DERA: variants seen among roughly 807,000 people sequenced by gnomAD.
DERA encodes the protein 2-deoxy-D-ribose 5-phosphate aldolase.
Under a neutral mutation model 41.1 loss-of-function variants are expected in DERA, and 15 were observed. The ratio of observed to expected loss-of-function variants is 0.37; its 90% CI spans 0.24 to 0.56. The LOEUF is 0.56. DERA is among the 20% of genes least tolerant of loss of function. The probability of loss-of-function intolerance (pLI) is 0.81; values close to 1 mark genes in which losing one functional copy is unlikely to be tolerated. For missense variants in DERA, 396 were observed against 403.4 expected (o/e 0.98, Z 0.16); for synonymous variants, 139 against 137.4 (o/e 1.01, Z -0.08).
At position 15,918,747 on chromosome 12, in the gene DERA, G is replaced by A. The variant is rs1430830667; in HGVS notation, c.31+7333G>A. On this transcript the variant is annotated intron_variant, in intron 1 of 8. Coordinates refer to ENST00000428559, the MANE Select transcript of DERA (RefSeq NM_015954.4). This position sits in a 1 kb window ranked among gnomAD's most constrained non-coding sequence, Gnocchi z 4.3. ...GATGTTTATGTAAATCACCACATAC[G>A]GCATGTTAAAACTGACAACAGGAAC... Among the ~76,000 whole-genome samples the A allele has an allele frequency of 4.6e-5, 7 of 152,046 alleles. No homozygotes were observed. Among genetic ancestry groups the A allele is most frequent in the Non-Finnish European group, 2.9e-5 (2 of 68,034 alleles).
At chr12:15,932,548 G>A (rs1351893736) in intron 1 of DERA, among the ~76,000 whole-genome samples, 1 of 151,988 alleles carries the variant, frequency 6.6e-6, no homozygotes, top group East Asian at 1.9e-4. Context: ...TACTTGAGGT[G>A]GGAGGATTGC....
chr12:15,930,367 A>G (rs748744136), intron 1 of DERA, among the ~76,000 whole-genome samples: 1 of 152,206 alleles, frequency 6.6e-6, no homozygotes, highest in Non-Finnish European at 1.5e-5. Context: ...AATGTGATTA[A>G]AGGGTAGTTA....
intron 6 of DERA, 68 bp from the exon 7 acceptor site, chr12:16,032,474 C>A: frequency 2.3e-6 from 2 of 874,444 alleles, no homozygotes; most frequent in Non-Finnish European, 3.4e-6. Flanking sequence ...ACTCATTTCT[C>A]CCACTGACTC....
chr12:16,029,209 C>T (rs1447936857), intron 6 of DERA, among the ~76,000 whole-genome samples: 3 of 152,016 alleles, frequency 2.0e-5, no homozygotes, highest in Non-Finnish European at 4.4e-5. Flanking sequence ...CTGAGGTGGG[C>T]GGATCACGAG....
chr12:15,945,142 A>G (rs1948437471), intron 1 of DERA, among the ~76,000 whole-genome samples: 1 of 152,072 alleles, frequency 6.6e-6, no homozygotes, highest in Non-Finnish European at 1.5e-5. Context: ...GCCTTGTAGT[A>G]TAGTTTGAAG....
Position 16,001,473 on chromosome 12 carries a change from C to T in DERA, c.637+19037C>T, listed in dbSNP as rs565603945. Among the ~76,000 whole-genome samples, 20 of 152,216 alleles carry T rather than the reference C, an allele frequency of 1.3e-4. No individual in the cohort carries two copies. Among genetic ancestry groups the T allele is most frequent in the Non-Finnish European group, 2.2e-4 (15 of 68,014 alleles). ...GAGAAAAGAACAACTCACACAGAGA[C>T]CAGAAAGAGATTCGTGCTCAGTAAC... On this transcript the variant is annotated intron_variant, in intron 6 of 8. Transcript: ENST00000428559. This position sits in a 1 kb window ranked among gnomAD's most constrained non-coding sequence, Gnocchi z 4.1.
rs1450967 is a variant in DERA, at chr12:15,977,917, A to T, written c.509-4391A>T. 0.036 allele frequency among the ~76,000 whole-genome samples: 5,440 copies of T among 152,174 alleles called. 489 individuals are homozygous for T. The East Asian group carries it at 0.36, about 10-fold the overall frequency. ...TTAGAGTAATTATTCCTCATGAAAAATTTTTTGGAAAGGGCATCTGTTGAA... is the reference window on the plus strand; with the variant it reads ...TTAGAGTAATTATTCCTCATGAAAATTTTTTTGGAAAGGGCATCTGTTGAA... On this transcript the variant is annotated intron_variant, in intron 5 of 8. Transcript: ENST00000428559.
intron 1 of DERA, among the ~76,000 whole-genome samples, chr12:15,944,793 A>G (rs1340537350): frequency 6.6e-6 from 1 of 152,150 alleles, no homozygotes; most frequent in Non-Finnish European, 1.5e-5. Flanking sequence ...TTTAGACATG[A>G]AGTCCTTGCT....
intron 4 of DERA, 40 bp from the exon 5 acceptor site, chr12:15,962,773 T>G: frequency 6.6e-7 from 1 of 1,505,016 alleles, no homozygotes; most frequent in Non-Finnish European, 9.0e-7. Context: ...CTTTCTTCCC[T>G]CCTTCCCTCT....
rs550358482 is a variant in DERA at position 16,026,773 on chromosome 12, C to T, written c.638-5769C>T. 1.5e-3 allele frequency among the ~76,000 whole-genome samples: 234 copies of T among 152,062 alleles called. 3 individuals carry two copies. The highest frequency in any genetic ancestry group is 5.2e-3 in the African/African-American group (217 of 41,534). On this transcript the variant is annotated intron_variant, in intron 6 of 8. Coordinates refer to ENST00000428559, the MANE Select transcript of DERA (RefSeq NM_015954.4). The surrounding 1 kb of genome is among the most constrained non-coding windows in gnomAD (Gnocchi z 4.4). ...AATACCAGTCTTCTACAATCTCTTCCGGAAAATAGAAGAGAGAACACTCAT... is the reference window on the plus strand; with the variant it reads ...AATACCAGTCTTCTACAATCTCTTCTGGAAAATAGAAGAGAGAACACTCAT...
intron 1 of DERA, among the ~76,000 whole-genome samples, chr12:15,920,542 T>C (rs1248352784): frequency 6.6e-6 from 1 of 152,158 alleles, no homozygotes; most frequent in African/African-American, 2.4e-5. Context: ...TTTAATTATT[T>C]GTATTATGGA....
At chr12:15,991,634 T>A (rs1019036022) in intron 6 of DERA, among the ~76,000 whole-genome samples, 2 of 152,092 alleles carry the variant, frequency 1.3e-5, no homozygotes, top group Non-Finnish European at 2.9e-5. Context: ...TATAATCGAA[T>A]CTATCATACA....
intron 6 of DERA, among the ~76,000 whole-genome samples, chr12:16,025,754 T>C (rs1949049045): frequency 6.6e-6 from 1 of 152,100 alleles, no homozygotes; most frequent in African/African-American, 2.4e-5. Flanking sequence ...AGAATACATA[T>C]TCAATGTTCA....
rs970371169 is a variant in DERA at position 15,941,269 on chromosome 12, GC to G, written c.32-15666del. ...CTTGCATGATTGAGCTCAGGCCGGG[GC>G]TCAACTAGCTGCTATAGCAAATGGG... On this transcript the variant is annotated intron_variant, in intron 1 of 8. Coordinates refer to ENST00000428559, the MANE Select transcript of DERA (RefSeq NM_015954.4). This position sits in a 1 kb window ranked among gnomAD's most constrained non-coding sequence, Gnocchi z 4.5. Among the ~76,000 whole-genome samples the G allele has an allele frequency of 6.6e-6, 1 of 152,134 alleles. No homozygotes were observed. The highest frequency in any genetic ancestry group is 2.4e-5 in the African/African-American group (1 of 41,414).
intron 1 of DERA, among the ~76,000 whole-genome samples, chr12:15,949,280 A>G (rs1175116213): frequency 6.6e-6 from 1 of 152,154 alleles, no homozygotes; most frequent in East Asian, 1.9e-4. Flanking sequence ...TTGTTTGGCT[A>G]TGCCCTGCCC....
intron 1 of DERA, among the ~76,000 whole-genome samples, chr12:15,934,221 T>C (rs1948349421): frequency 6.6e-6 from 1 of 152,154 alleles, no homozygotes; most frequent in East Asian, 1.9e-4. Context: ...TGAATCTCCA[T>C]CCATGGCTAC....
chr12:15,949,473 TC>T (rs1229768064), intron 1 of DERA, among the ~76,000 whole-genome samples: 1 of 131,054 alleles, frequency 7.6e-6, no homozygotes, highest in African/African-American at 2.7e-5. Context: ...TGAGCAAGGC[TC>T]CGTGGGCGTG....
chr12:15,946,394 C>T (rs2136139511), intron 1 of DERA, among the ~76,000 whole-genome samples: 1 of 152,284 alleles, frequency 6.6e-6, no homozygotes, highest in African/African-American at 2.4e-5. Flanking sequence ...TGATTATTGC[C>T]TCAATTTCAG....
At position 15,958,335 on chromosome 12, in the gene DERA, G is replaced by A; in HGVS notation, c.277G>A (p.Gly93Ser). The change falls in exon 3 of 9, where the codon GGC becomes AGC. Residue 93 changes from glycine (G) to serine (S), a missense_variant and splice_region_variant. Physicochemically the swap from Gly to Ser is moderately conservative, Grantham distance 56. Transcript: ENST00000428559. Reference protein sequence around the residue: ...LLKALNMHDKGITTAAVCVYP... With the variant: ...LLKALNMHDKSITTAAVCVYP... ...AAAAGCTTTAAATATGCATGATAAA[G>A]GTAATGTTGTTGTGTGTGATCTATG... 1 of 1,598,926 alleles carries A rather than the reference G, an allele frequency of 6.3e-7. No individual in the cohort carries two copies. Among genetic ancestry groups the A allele is most frequent in the Middle Eastern group, 1.7e-4 (1 of 5,770 alleles).
Sources: allele counts gnomAD v4.1 joint callset (sites outside exome capture counted in the v4.1 genomes callset), GRCh38; gene constraint gnomAD v4.1.1; non-coding constraint Gnocchi (gnomAD v3.1); transcripts MANE v1.5; gene names NCBI Gene and HGNC (gene_info 2026-07-23, HGNC 2026-07-21).